The following LIPN variants were observed in gnomAD, a reference collection of about 807,000 sequenced individuals.
LIPN encodes lipase member N.
LIPN carries 32 observed loss-of-function variants against 43.7 expected under a neutral mutation model. The ratio of observed to expected loss-of-function variants is 0.73; its 90% CI spans 0.55 to 0.98. LIPN has a LOEUF of 0.98. Ranked by LOEUF, LIPN falls within the 50% of genes least tolerant of loss-of-function variation. The pLI is 0.00. For missense variants in LIPN, 505 were observed against 483.8 expected (o/e 1.04, Z -0.41); for synonymous variants, 156 against 157.6 (o/e 0.99, Z 0.08).
intron 9 of LIPN, among the ~76,000 whole-genome samples, chr10:88,776,597 C>T (rs1843299633): frequency 6.6e-6 from 1 of 152,086 alleles, no homozygotes; most frequent in Admixed American, 6.6e-5. Context: ...TTGCTCTCTC[C>T]TCAAGTTCAC....
At chr10:88,757,824 C>T (rs1788492832), upstream of LIPN, among the ~76,000 whole-genome samples, 1 of 151,998 alleles carries the variant, frequency 6.6e-6, no homozygotes, top group Admixed American at 6.6e-5. Flanking sequence ...CTTATGGACA[C>T]TTATGGTTCT....
chr10:88,772,572 G>A (rs775059913), intron 7 of LIPN, among the ~76,000 whole-genome samples: 2 of 151,748 alleles, frequency 1.3e-5, no homozygotes, highest in Non-Finnish European at 2.9e-5. Flanking sequence ...ATAAATGTGT[G>A]GGTTTATTTG....
At position 88,778,422 on chromosome 10, in the gene LIPN, C is replaced by T. The variant is rs1484530629; in HGVS notation, c.*180C>T. Among the ~76,000 whole-genome samples, 1 of 152,020 alleles carries T rather than the reference C, an allele frequency of 6.6e-6. No homozygotes were observed. Among genetic ancestry groups the T allele is most frequent in the Non-Finnish European group, 1.5e-5 (1 of 68,006 alleles). On this transcript the variant is annotated 3_prime_UTR_variant, in exon 10 of 10. Transcript: ENST00000404459. The stretch of plus-strand genomic sequence containing the variant: ...GTTTAGAGACATCTTTGCATGGGAC[C>T]ATCTACAGGTCCTTATAAACAATGA...
chr10:88,779,402 G>A lies in LIPN; in HGVS notation c.*1160G>A, dbSNP rs1843349544. Among the ~76,000 whole-genome samples the A allele has an allele frequency of 1.3e-5, 2 of 152,108 alleles. No homozygotes were observed. The highest frequency in any genetic ancestry group is 6.6e-5 in the Admixed American group (1 of 15,266). On this transcript the variant is annotated 3_prime_UTR_variant, in exon 10 of 10. Coordinates refer to ENST00000404459, the MANE Select transcript of LIPN (RefSeq NM_001102469.2). The stretch of plus-strand genomic sequence containing the variant: ...CAAAACTAGCATTCATCAATTTAAT[G>A]TATACGTATTGATGGGGAATAATGG...
At position 88,778,326 on chromosome 10, in the gene LIPN, G is replaced by A. The variant is rs542448963; in HGVS notation, c.*84G>A. 3.5e-5 allele frequency: 33 copies of A among 946,878 alleles called. No homozygotes were observed. In the African/African-American group the frequency reaches 3.7e-4, roughly 11 times the overall value. The allele number at this position is 946,878 out of a possible 1,614,324, so 58.7% of individuals were successfully genotyped here. A position where few individuals can be genotyped will look rare whatever the true frequency, so the allele number is the denominator to read the frequency against. On this transcript the variant is annotated 3_prime_UTR_variant, in exon 10 of 10. Coordinates refer to ENST00000404459, the MANE Select transcript of LIPN (RefSeq NM_001102469.2). ...AAAAATAGTAACCAACAATGAGGTT[G>A]TCCCCCAGCACCCTGGGGGAGATGC... is the stretch of plus-strand genomic sequence containing the variant.
chr10:88,769,020 A>C, intron 6 of LIPN, 92 bp downstream of exon 6: 1 of 1,257,454 alleles, frequency 8.0e-7, no homozygotes, highest in African/African-American at 1.5e-5. Flanking sequence ...AAAAGTAGGA[A>C]ATTTAGATAA....
chr10:88,758,902 TTAATAA>T (rs910755008), upstream of LIPN, among the ~76,000 whole-genome samples: 8 of 152,238 alleles, frequency 5.3e-5, no homozygotes, highest in African/African-American at 1.9e-4. Flanking sequence ...CAAATCAATA[TTAATAA>T]TAATAACATA....
At chr10:88,776,221 GA>G (rs563153675) in intron 9 of LIPN, among the ~76,000 whole-genome samples, 2 of 148,046 alleles carry the variant, frequency 1.4e-5, no homozygotes, top group African/African-American at 2.5e-5. Context: ...AAAAGGTCTA[GA>G]AAAAAAAACA....
chr10:88,771,087 T>C (rs1302945308), intron 7 of LIPN, 96 bp downstream of exon 7: 2 of 1,085,730 alleles, frequency 1.8e-6, no homozygotes, highest in Non-Finnish European at 2.6e-6. Context: ...TAAATTCATA[T>C]GGTATTCCAA....
Position 88,778,117 on chromosome 10 carries a change from C to G in LIPN, c.1072C>G (p.Gln358Glu). The G allele has an allele frequency of 6.2e-7, 1 of 1,613,628 alleles. No individual in the cohort carries two copies. The highest frequency in any genetic ancestry group is 8.5e-7 in the Non-Finnish European group (1 of 1,179,736). ...CCAGGATGTGGCCAGGATACTCCCT[C>G]AAATCAAGAGTCTTCATTACTTTAA... ...TPQDVARILP[Q>E]IKSLHYFKLL... The change falls in exon 10 of 10, where the codon CAA (glutamine) becomes GAA (glutamate). Residue 358 changes from glutamine (Q) to glutamate (E), a missense_variant. Transcript: ENST00000404459.
intron 7 of LIPN, among the ~76,000 whole-genome samples, chr10:88,771,443 C>G (rs1224457779): frequency 2.6e-5 from 4 of 151,808 alleles, no homozygotes; most frequent in Non-Finnish European, 5.9e-5. Context: ...CTCTGGTAAC[C>G]ATCATTCTTC....
At chr10:88,770,110 C>A (rs748253064) in intron 6 of LIPN, among the ~76,000 whole-genome samples, 1 of 151,832 alleles carries the variant, frequency 6.6e-6, no homozygotes, top group Non-Finnish European at 1.5e-5. Flanking sequence ...ACTTTTAAGT[C>A]CCATATCCTG....
At chr10:88,758,562 ATAT>A (rs1251808837), upstream of LIPN, among the ~76,000 whole-genome samples, 13 of 148,980 alleles carry the variant, frequency 8.7e-5, no homozygotes, top group Non-Finnish European at 1.3e-4. Flanking sequence ...ATTACAGAAT[ATAT>A]TATTAAATAT....
upstream of LIPN, among the ~76,000 whole-genome samples, chr10:88,758,204 T>C (rs1167938780): frequency 4.6e-5 from 7 of 152,120 alleles, no homozygotes; most frequent in Non-Finnish European, 7.4e-5. Flanking sequence ...CAAGGATCTA[T>C]GTTCAACCAT....
intron 4 of LIPN, among the ~76,000 whole-genome samples, chr10:88,765,528 A>G (rs1843079415): frequency 6.6e-6 from 1 of 151,872 alleles, no homozygotes; most frequent in Admixed American, 6.6e-5. Flanking sequence ...ATTTCCTCAC[A>G]TGTTCTTTTA....
At chr10:88,767,684 A>C (rs996162212) in intron 5 of LIPN, among the ~76,000 whole-genome samples, 11 of 110,494 alleles carry the variant, frequency 1.0e-4, no homozygotes, top group African/African-American at 2.4e-4. Flanking sequence ...AAAAAAAAAA[A>C]AAAAAAAACC....
chr10:88,778,778 G>A lies in LIPN; in HGVS notation c.*536G>A, dbSNP rs550105197. 2.6e-5 allele frequency among the ~76,000 whole-genome samples: 4 copies of A among 152,246 alleles called. No homozygotes were observed. In the East Asian group the frequency reaches 7.7e-4, roughly 29 times the overall value. ...AAAAGTCCCCAAAGATTCTTCCAGA[G>A]AAGCCCTCTTTTCTTACAATCTTAT... On this transcript the variant is annotated 3_prime_UTR_variant, in exon 10 of 10. Transcript: ENST00000404459.
chr10:88,777,876 C>T, intron 9 of LIPN, 133 bp from the exon 10 acceptor site: 1 of 580,024 alleles, frequency 1.7e-6, no homozygotes, highest in South Asian at 2.6e-5. Context: ...AGGTAGAGAC[C>T]ATTGTATGTT....
At chr10:88,763,402 T>C (rs1440100001) in intron 3 of LIPN, among the ~76,000 whole-genome samples, 1 of 152,066 alleles carries the variant, frequency 6.6e-6, no homozygotes. Context: ...AAAACTTTTA[T>C]GGGAAAGATT....
Sources: gnomAD v4.1 joint callset for allele counts (sites outside exome capture counted in the v4.1 genomes callset) on GRCh38, gnomAD v4.1.1 for gene constraint, MANE v1.5 for transcripts, NCBI Gene and HGNC (gene_info 2026-07-23, HGNC 2026-07-21) for gene names.